The following PECR variants were observed in gnomAD, a reference collection of about 807,000 sequenced individuals.
PECR encodes the protein peroxisomal trans-2-enoyl-CoA reductase.
Under a neutral mutation model 35.3 loss-of-function variants are expected in PECR, and 30 were observed. The ratio of observed to expected loss-of-function variants is 0.85; its 90% confidence interval spans 0.64 to 1.15. The LOEUF (loss-of-function observed/expected upper bound fraction) is 1.15. Ranked by LOEUF, PECR falls within the 50% of genes most tolerant of loss-of-function variation. The pLI is 0.00. For synonymous variants in PECR, 148 were observed against 138.9 expected (o/e 1.07, Z -0.46); for missense variants, 392 against 370.8 (o/e 1.06, Z -0.47).
At chr2:216,046,308 A>ATTTT (rs1413493863) in intron 6 of PECR, among the ~76,000 whole-genome samples, 44 of 112,104 alleles carry the variant, frequency 3.9e-4, no homozygotes, top group African/African-American at 1.7e-3. Flanking sequence ...ATATATATAT[A>ATTTT]TATTTTTTTT....
chr2:216,049,861 A>G (rs1695070006), intron 5 of PECR, among the ~76,000 whole-genome samples: 1 of 152,200 alleles, frequency 6.6e-6, no homozygotes, highest in Non-Finnish European at 1.5e-5. Flanking sequence ...TAAATTTTTC[A>G]TTGTTTAGGA....
downstream of PECR, among the ~76,000 whole-genome samples, chr2:216,036,794 A>T (rs562399671): frequency 2.6e-5 from 4 of 152,258 alleles, no homozygotes; most frequent in African/African-American, 9.6e-5. Context: ...TGCAAATCTC[A>T]TTATGTCTGG....
intron 1 of PECR, among the ~76,000 whole-genome samples, chr2:216,069,061 C>T (rs927385505): frequency 6.6e-6 from 1 of 152,160 alleles, no homozygotes; most frequent in Admixed American, 6.5e-5. Flanking sequence ...CCTTCTTTTG[C>T]TCTGCTCCAA....
chr2:216,071,108 T>G (rs1307138576), intron 1 of PECR, among the ~76,000 whole-genome samples: 2 of 152,170 alleles, frequency 1.3e-5, no homozygotes, highest in Non-Finnish European at 2.9e-5. Flanking sequence ...ACCGGGCCCA[T>G]GGTTGGGATC....
At chr2:216,037,807 G>A (rs973520516), downstream of PECR, among the ~76,000 whole-genome samples, 87 of 152,178 alleles carry the variant, frequency 5.7e-4, no homozygotes, top group African/African-American at 1.8e-3. Context: ...ATGACAGGCC[G>A]GGCGTGGTGG....
At chr2:216,077,227 C>T (rs971673632) in intron 1 of PECR, among the ~76,000 whole-genome samples, 5 of 149,476 alleles carry the variant, frequency 3.3e-5, no homozygotes, top group African/African-American at 4.9e-5. Flanking sequence ...AAATATTTGC[C>T]GGGGTGCCGA....
At chr2:216,062,196 C>T (rs1036086585) in intron 3 of PECR, among the ~76,000 whole-genome samples, 2 of 152,132 alleles carry the variant, frequency 1.3e-5, no homozygotes, top group Admixed American at 1.3e-4. Context: ...TAGCCATGCA[C>T]CACCACTCCC....
At chr2:216,048,797 C>T (rs1463099396) in intron 6 of PECR, among the ~76,000 whole-genome samples, 1 of 132,954 alleles carries the variant, frequency 7.5e-6, no homozygotes, top group African/African-American at 2.9e-5. Flanking sequence ...GAGCTATGAT[C>T]GTGACACTAT....
intron 7 of PECR, among the ~76,000 whole-genome samples, chr2:216,043,454 C>T (rs983061279): frequency 1.3e-5 from 2 of 152,086 alleles, no homozygotes; most frequent in African/African-American, 4.8e-5. Flanking sequence ...ACAGAAATTT[C>T]ATATGCCTTC....
downstream of PECR, among the ~76,000 whole-genome samples, chr2:216,034,745 G>A (rs548339494): frequency 6.6e-6 from 1 of 152,260 alleles, no homozygotes; most frequent in South Asian, 2.1e-4. Context: ...TGAGCCCAGG[G>A]GAGTGGGCGC....
Position 216,066,476 on chromosome 2 carries a change from T to C in PECR, c.167A>G (p.Lys56Arg). ...VIASRKLERL[K>R]SAADELQANL... ...GGCCTGCAGTTCATCTGCCGCAGAC[T>C]TCAATCTCTCCAACTTACGGGATGC... Residue 56 changes from lysine (K) to arginine (R), a missense_variant, in exon 2 of 8, where the codon AAG (lysine) becomes AGG (arginine). Physicochemically the swap from Lys to Arg is conservative, Grantham distance 26. Coordinates refer to ENST00000265322, the MANE Select transcript of PECR (RefSeq NM_018441.6). 1 of 1,613,946 alleles carries C rather than the reference T, an allele frequency of 6.2e-7. No homozygotes were observed. Among genetic ancestry groups the C allele is most frequent in the Non-Finnish European group, 8.5e-7 (1 of 1,179,786 alleles).
In PECR at chr2:216,058,895, A is replaced by G; in HGVS notation, c.506T>C (p.Val169Ala). The G allele has an allele frequency of 6.4e-7, 1 of 1,563,438 alleles. No individual in the cohort carries two copies. Among genetic ancestry groups the G allele is most frequent in the South Asian group, 1.1e-5 (1 of 89,894 alleles). ...VPTKAGFPLA[V>A]HSGAARAGVY... ...AAGAAAACTATATAAAAACGCTTAC[A>G]CAGCTAATGGAAATCCAGCTTTAGT... The change falls in exon 4 of 8, where the codon GTG becomes GCG. Residue 169 changes from valine to alanine, a missense_variant and splice_region_variant. By Grantham distance (64) the Val-to-Ala change is moderately conservative. Transcript: ENST00000265322.
chr2:216,057,357 T>TA (rs1695250035), intron 4 of PECR, among the ~76,000 whole-genome samples: 2 of 152,148 alleles, frequency 1.3e-5, no homozygotes, highest in East Asian at 3.9e-4. Context: ...ATATTAGCCA[T>TA]AAAAAAATAA....
At chr2:216,072,551 G>A (rs143183611) in intron 1 of PECR, among the ~76,000 whole-genome samples, 9 of 152,156 alleles carry the variant, frequency 5.9e-5, no homozygotes, top group Non-Finnish European at 8.8e-5. Flanking sequence ...AGTCTCCAAT[G>A]TCTGTTATTC....
intron 7 of PECR, among the ~76,000 whole-genome samples, chr2:216,032,134 C>T (rs1467262908): frequency 6.6e-6 from 1 of 152,168 alleles, no homozygotes; most frequent in Non-Finnish European, 1.5e-5. Flanking sequence ...ACAGAAATGA[C>T]TCTTTTTCTT....
At chr2:216,076,239 CCAG>C (rs1695694322) in intron 1 of PECR, among the ~76,000 whole-genome samples, 1 of 152,172 alleles carries the variant, frequency 6.6e-6, no homozygotes, top group African/African-American at 2.4e-5. Flanking sequence ...GTCACCCAGG[CCAG>C]ATTGCAGTGG....
At chr2:216,057,436 ATACAGAATAGTGTT>A (rs1695251722) in intron 4 of PECR, among the ~76,000 whole-genome samples, 1 of 152,196 alleles carries the variant, frequency 6.6e-6, no homozygotes, top group African/African-American at 2.4e-5. Flanking sequence ...GAACATCAAG[ATACAGAATAGTGTT>A]TATAGCATCC....
intron 7 of PECR, 143 bp downstream of exon 7, chr2:216,043,761 C>A: frequency 1.6e-6 from 1 of 640,952 alleles, no homozygotes; most frequent in Admixed American, 2.3e-5. Context: ...AAAAAAATCA[C>A]ATCATGAATA....
intron 5 of PECR, chr2:216,050,896 TTC>T (rs1464830047): frequency 6.9e-6 from 1 of 145,230 alleles, no homozygotes; most frequent in African/African-American, 2.6e-5. Context: ...GCAAGACTCC[TTC>T]TAAAAAAAAA....
Sources: allele counts gnomAD v4.1 joint callset (sites outside exome capture counted in the v4.1 genomes callset), GRCh38; gene constraint gnomAD v4.1.1; transcripts MANE v1.5; gene names NCBI Gene and HGNC (gene_info 2026-07-23, HGNC 2026-07-21).